ELOVL2: variants seen among roughly 807,000 people sequenced by gnomAD.
ELOVL2 encodes very long chain fatty acid elongase 2.
ELOVL2 carries 38 observed loss-of-function variants against 37.7 expected under a neutral mutation model. That is an observed-to-expected ratio of 1.01 (90% CI 0.78 to 1.32). The LOEUF (loss-of-function observed/expected upper bound fraction) is 1.32, where lower values mean the gene tolerates loss of function less well. Ranked by LOEUF, ELOVL2 falls within the 40% of genes most tolerant of loss-of-function variation. The pLI, the probability that ELOVL2 is intolerant of heterozygous loss-of-function variation, is 0.00. For synonymous variants in ELOVL2, 115 were observed against 122.3 expected, an observed-to-expected ratio of 0.94 and a Z score of 0.40; for missense variants, 352 against 363.6, an observed-to-expected ratio of 0.97 and a Z score of 0.26.
intron 7 of ELOVL2, among the ~76,000 whole-genome samples, chr6:10,986,619 G>C (rs1309761237): frequency 1.3e-5 from 2 of 152,012 alleles, no homozygotes; most frequent in African/African-American, 4.8e-5. Flanking sequence ...TGTGGTTTTT[G>C]TCTTTGGTTC....
chr6:11,001,209 C>G (rs142543770), intron 3 of ELOVL2, among the ~76,000 whole-genome samples: 1 of 152,248 alleles, frequency 6.6e-6, no homozygotes, highest in Non-Finnish European at 1.5e-5. Context: ...TGTTTTAGAA[C>G]CTTTGTGAGA....
intron 1 of ELOVL2, among the ~76,000 whole-genome samples, chr6:11,022,972 T>G (rs58375838): frequency 0.016 from 2,499 of 152,318 alleles, 64 homozygotes; most frequent in African/African-American, 0.057. Flanking sequence ...TAATTTCAAG[T>G]GAATAAAATG....
intron 1 of ELOVL2, among the ~76,000 whole-genome samples, chr6:11,027,016 A>C (rs7747408): frequency 0.086 from 13,099 of 152,190 alleles, 1,692 homozygotes; most frequent in African/African-American, 0.28. Flanking sequence ...ACTTAACTGT[A>C]ATCACCATGT....
At chr6:11,039,712 T>A (rs989781093) in intron 1 of ELOVL2, among the ~76,000 whole-genome samples, 25 of 152,358 alleles carry the variant, frequency 1.6e-4, no homozygotes, top group African/African-American at 4.8e-4. Context: ...CAAAGAATGA[T>A]TTCATCTTCC....
At chr6:11,004,802 G>C (rs759792483) in intron 3 of ELOVL2, among the ~76,000 whole-genome samples, 1 of 152,086 alleles carries the variant, frequency 6.6e-6, no homozygotes, top group Non-Finnish European at 1.5e-5. Flanking sequence ...ATTGTAACAT[G>C]ATCTTGAAAG....
chr6:11,026,012 G>A (rs576720525), intron 1 of ELOVL2, among the ~76,000 whole-genome samples: 133 of 152,294 alleles, frequency 8.7e-4, no homozygotes, highest in African/African-American at 3.1e-3. Flanking sequence ...GTAGCGAAGT[G>A]GGGTGGTGAG....
At chr6:11,019,304 C>T (rs1223673536) in intron 1 of ELOVL2, among the ~76,000 whole-genome samples, 1 of 152,178 alleles carries the variant, frequency 6.6e-6, no homozygotes, top group Non-Finnish European at 1.5e-5. Context: ...TAAATATAGA[C>T]ATTTTTTCCC....
intron 1 of ELOVL2, among the ~76,000 whole-genome samples, chr6:11,015,152 ATATAACT>A: frequency 6.6e-6 from 1 of 152,344 alleles, no homozygotes; most frequent in South Asian, 2.1e-4. Context: ...ATTCTAGAAA[ATATAACT>A]TATAGTGACA....
At chr6:11,020,714 A>AGTGGATGTGC (rs1782753907) in intron 1 of ELOVL2, among the ~76,000 whole-genome samples, 3 of 152,214 alleles carry the variant, frequency 2.0e-5, no homozygotes, top group Admixed American at 6.5e-5. Flanking sequence ...AGTCTGTCCT[A>AGTGGATGTGC]AGTGCTGGTC....
At chr6:11,006,590 A>G (rs147692705) in intron 2 of ELOVL2, among the ~76,000 whole-genome samples, 8 of 152,302 alleles carry the variant, frequency 5.3e-5, no homozygotes, top group African/African-American at 1.9e-4. Context: ...TTTCTGGTGC[A>G]TCCTACCCTG....
chr6:11,015,095 A>G (rs988242977), intron 1 of ELOVL2, among the ~76,000 whole-genome samples: 5 of 152,244 alleles, frequency 3.3e-5, no homozygotes, highest in African/African-American at 1.2e-4. Flanking sequence ...TTCTGCATGA[A>G]AAAAGCTACA....
intron 7 of ELOVL2, among the ~76,000 whole-genome samples, chr6:10,987,719 A>G (rs1443404831): frequency 6.6e-6 from 1 of 152,214 alleles, no homozygotes; most frequent in Non-Finnish European, 1.5e-5. Context: ...GGGCTGGCAA[A>G]GTATTCTGCA....
chr6:11,030,563 C>T (rs146327311), intron 1 of ELOVL2, among the ~76,000 whole-genome samples: 2,512 of 152,164 alleles, frequency 0.017, 61 homozygotes, highest in African/African-American at 0.058. Flanking sequence ...TTGATCTCGG[C>T]TCACTGCAAG....
chr6:11,037,261 G>C (rs936633289), intron 1 of ELOVL2, among the ~76,000 whole-genome samples: 2 of 151,702 alleles, frequency 1.3e-5, no homozygotes, highest in Non-Finnish European at 2.9e-5. Flanking sequence ...AGAGAGAGAC[G>C]GCATGAGTTA....
intron 1 of ELOVL2, among the ~76,000 whole-genome samples, chr6:11,023,994 G>A (rs1782805969): frequency 6.6e-6 from 1 of 152,184 alleles, no homozygotes; most frequent in Non-Finnish European, 1.5e-5. Context: ...GGATATCCTT[G>A]TAATTCACCT....
At chr6:10,994,904 C>G in intron 5 of ELOVL2, 103 bp downstream of exon 5, 4 of 928,158 alleles carry the variant, frequency 4.3e-6, no homozygotes, top group Non-Finnish European at 6.3e-6. Flanking sequence ...CTCTAGGCCT[C>G]CCTTCATGCT....
chr6:10,999,219 T>C (rs1227918286), intron 4 of ELOVL2, among the ~76,000 whole-genome samples: 1 of 152,194 alleles, frequency 6.6e-6, no homozygotes, highest in Non-Finnish European at 1.5e-5. Context: ...TTTCCAACTT[T>C]TAGGGGGCGG....
chr6:11,030,653 G>A (rs1331872740), intron 1 of ELOVL2, among the ~76,000 whole-genome samples: 2 of 151,746 alleles, frequency 1.3e-5, no homozygotes, highest in Admixed American at 6.6e-5. Context: ...CACCACGCCC[G>A]GCTAATTTTT....
At chr6:11,039,994 A>G (rs1333285837) in intron 1 of ELOVL2, among the ~76,000 whole-genome samples, 1 of 152,228 alleles carries the variant, frequency 6.6e-6, no homozygotes, top group Non-Finnish European at 1.5e-5. Flanking sequence ...CAAAGAGTCT[A>G]CAAAAGAGGA....
Sources: gnomAD v4.1 joint callset for allele counts (sites outside exome capture counted in the v4.1 genomes callset) on GRCh38, gnomAD v4.1.1 for gene constraint, MANE v1.5 for transcripts, NCBI Gene and HGNC (gene_info 2026-07-23, HGNC 2026-07-21) for gene names.